SGCZ: variants seen among roughly 807,000 people sequenced by gnomAD.
The protein encoded by SGCZ is zeta-sarcoglycan.
A neutral mutation model predicts 41.3 loss-of-function variants in SGCZ; 40 were observed. The observed-to-expected ratio is 0.97, with a 90% CI of 0.75 to 1.26. The LOEUF (loss-of-function observed/expected upper bound fraction) is 1.26, where lower values mean the gene tolerates loss of function less well. Ranked by LOEUF, SGCZ falls within the 50% of genes most tolerant of loss-of-function variation. The pLI, the probability that SGCZ is intolerant of heterozygous loss-of-function variation, is 0.00. For missense variants in SGCZ, 552 were observed against 369.8 expected (o/e 1.49, Z -4.04); for synonymous variants, 206 against 137.5 (o/e 1.50, Z -3.49).
chr8:14,172,057 C>T (rs928426643), intron 4 of SGCZ, among the ~76,000 whole-genome samples: 2 of 151,882 alleles, frequency 1.3e-5, no homozygotes, highest in African/African-American at 4.8e-5. Flanking sequence ...TTGTGGTTCC[C>T]AAAGAAGTAT....
chr8:14,524,603 C>T (rs931693627), intron 2 of SGCZ, among the ~76,000 whole-genome samples: 3 of 152,042 alleles, frequency 2.0e-5, no homozygotes, highest in East Asian at 3.9e-4. Flanking sequence ...AACAATGATA[C>T]CTTTGAATTA....
chr8:14,467,987 T>G (rs1801100678), intron 2 of SGCZ, among the ~76,000 whole-genome samples: 1 of 152,066 alleles, frequency 6.6e-6, no homozygotes, highest in Non-Finnish European at 1.5e-5. Flanking sequence ...AATTTAATAT[T>G]GACCATTTAA....
At chr8:14,263,958 C>G (rs752018959) in intron 3 of SGCZ, among the ~76,000 whole-genome samples, 11 of 152,202 alleles carry the variant, frequency 7.2e-5, no homozygotes, top group Non-Finnish European at 1.5e-5. Context: ...CAGTATTGGG[C>G]AGAATCCCAC....
chr8:14,355,094 T>C (rs1172876135), intron 2 of SGCZ, among the ~76,000 whole-genome samples: 2 of 152,176 alleles, frequency 1.3e-5, no homozygotes, highest in South Asian at 2.1e-4. Flanking sequence ...AATTCAAATA[T>C]GTTATTACTA....
rs1192834716 is a variant in SGCZ, at chr8:14,973,023, C to T, written c.39+264562G>A. 9.9e-5 allele frequency among the ~76,000 whole-genome samples: 15 copies of T among 152,142 alleles called. 1 individual carries two copies. The highest frequency in any genetic ancestry group is 9.8e-4 in the Admixed American group (15 of 15,284). On this transcript the variant is annotated intron_variant, in intron 1 of 7. Coordinates refer to ENST00000382080, the MANE Select transcript of SGCZ (RefSeq NM_139167.4). ...CTGGTAATGTTTATTTTATCACAAA[C>T]ATTATGAGTCCTAATTTACTGTGTG...
Position 14,522,652 on chromosome 8 carries a change from A to AT in SGCZ, c.234+32079dup, listed in dbSNP as rs561073477. ...CTTCTTAGAAATTTTCAATTTTGTC[A>AT]TTTTTTTTAAAAAATACAACTGTCT... On this transcript the variant is annotated intron_variant, in intron 2 of 7. Transcript: ENST00000382080. Among the ~76,000 whole-genome samples the AT allele has an allele frequency of 5.6e-3, 843 of 151,276 alleles. 6 individuals are homozygous for AT. The highest frequency in any genetic ancestry group is 0.018 in the African/African-American group (751 of 41,286).
Position 15,025,157 on chromosome 8 carries a change from A to T in SGCZ, c.39+212428T>A, listed in dbSNP as rs930429639. On this transcript the variant is annotated intron_variant, in intron 1 of 7. Coordinates refer to ENST00000382080, the MANE Select transcript of SGCZ (RefSeq NM_139167.4). ...TTTGTTGGAATGAAATGAAATTCAT[A>T]GTCTATTCTAAGTTTAGAAACCAAG... Among the ~76,000 whole-genome samples, 16 of 152,220 alleles carry T rather than the reference A, an allele frequency of 1.1e-4. No individual in the cohort carries two copies. In the South Asian group the frequency reaches 1.9e-3, roughly 18 times the overall value.
chr8:15,186,337 T>C lies in SGCZ; in HGVS notation c.39+51248A>G, dbSNP rs948445412. On this transcript the variant is annotated intron_variant, in intron 1 of 7. Transcript: ENST00000382080. ...TCGCATGTAGTAGTCCAAAGAGAAA[T>C]AGTCTCCAAATATAACGCTGATATA... 2.9e-5 allele frequency among the ~76,000 whole-genome samples: 3 copies of C among 104,320 alleles called. No homozygotes were observed. The Admixed American group carries it at 3.0e-4, about 11-fold the overall frequency. The allele number at this position is 104,320 out of a possible 152,430, so 68.4% of individuals were successfully genotyped here.
intron 1 of SGCZ, among the ~76,000 whole-genome samples, chr8:15,198,702 G>A (rs1312927399): frequency 6.6e-6 from 1 of 152,146 alleles, no homozygotes; most frequent in Non-Finnish European, 1.5e-5. Flanking sequence ...GTTATTTACT[G>A]TGAGGCTACA....
chr8:14,827,755 C>A (rs999435886), intron 1 of SGCZ, among the ~76,000 whole-genome samples: 4 of 152,164 alleles, frequency 2.6e-5, no homozygotes, highest in Non-Finnish European at 5.9e-5. Flanking sequence ...TATAAGTCAT[C>A]TTTATATCAT....
chr8:14,237,779 T>A, intron 3 of SGCZ, 100 bp from the exon 4 acceptor site: 6 of 1,089,440 alleles, frequency 5.5e-6, no homozygotes, highest in Non-Finnish European at 8.1e-6. Flanking sequence ...AAAATTTAAT[T>A]TGTTTGCTCT....
At chr8:14,144,392 C>A (rs1042428796) in intron 5 of SGCZ, among the ~76,000 whole-genome samples, 1 of 152,166 alleles carries the variant, frequency 6.6e-6, no homozygotes, top group Non-Finnish European at 1.5e-5. Flanking sequence ...GAATCCACTG[C>A]TTTGAAGAAA....
chr8:14,342,152 C>G (rs922702714), intron 2 of SGCZ, among the ~76,000 whole-genome samples: 2 of 152,082 alleles, frequency 1.3e-5, no homozygotes, highest in East Asian at 3.9e-4. Context: ...AAGTTCCAGG[C>G]TTATTCCAGG....
chr8:14,912,721 T>C (rs1338789526), intron 1 of SGCZ, among the ~76,000 whole-genome samples: 1 of 152,102 alleles, frequency 6.6e-6, no homozygotes, highest in Non-Finnish European at 1.5e-5. Flanking sequence ...CTACAGAGTT[T>C]GGCGGAAATT....
At chr8:14,779,628 T>C (rs1185481186) in intron 1 of SGCZ, among the ~76,000 whole-genome samples, 1 of 152,178 alleles carries the variant, frequency 6.6e-6, no homozygotes, top group Non-Finnish European at 1.5e-5. Context: ...AATATAAAAT[T>C]CAAAATCAAC....
intron 4 of SGCZ, among the ~76,000 whole-genome samples, chr8:14,167,855 T>C (rs187855300): frequency 6.6e-6 from 1 of 152,266 alleles, no homozygotes; most frequent in African/African-American, 2.4e-5. Context: ...AGAGAGATAA[T>C]TCAGTAATTT....
chr8:14,439,836 C>T (rs1800196896), intron 2 of SGCZ, among the ~76,000 whole-genome samples: 1 of 151,948 alleles, frequency 6.6e-6, no homozygotes, highest in South Asian at 2.1e-4. Flanking sequence ...TGAAACACTG[C>T]TTTCTCATCT....
At chr8:14,248,287 T>C (rs1358371772) in intron 3 of SGCZ, among the ~76,000 whole-genome samples, 4 of 152,270 alleles carry the variant, frequency 2.6e-5, no homozygotes, top group East Asian at 1.9e-4. Context: ...CATAAAAAGC[T>C]TGTGAAACTT....
intron 2 of SGCZ, among the ~76,000 whole-genome samples, chr8:14,549,955 G>C (rs966764142): frequency 1.3e-5 from 2 of 152,014 alleles, no homozygotes; most frequent in Non-Finnish European, 2.9e-5. Context: ...CAGGTTGCTA[G>C]TGGTGGTATA....
Sources: gnomAD v4.1 joint callset for allele counts (sites outside exome capture counted in the v4.1 genomes callset) on GRCh38, gnomAD v4.1.1 for gene constraint, MANE v1.5 for transcripts, NCBI Gene and HGNC (gene_info 2026-07-23, HGNC 2026-07-21) for gene names.